Variants in KDM7A observed in about 807,000 individuals in gnomAD.
KDM7A encodes lysine-specific demethylase 7A.
In KDM7A, 28 loss-of-function variants were observed where a neutral mutation model predicts 114.8. The ratio of observed to expected loss-of-function variants is 0.24; its 90% CI spans 0.18 to 0.33. The LOEUF (loss-of-function observed/expected upper bound fraction) is 0.33. KDM7A is among the 10% of genes least tolerant of loss of function. The pLI, the probability that KDM7A is intolerant of heterozygous loss-of-function variation, is 1.00. For missense variants in KDM7A, 942 were observed against 1,142.5 expected (o/e 0.82, Z 2.53); for synonymous variants, 423 against 397.8 (o/e 1.06, Z -0.75).
chr7:140,154,108 C>G (rs758995385), intron 1 of KDM7A, among the ~76,000 whole-genome samples: 4 of 152,126 alleles, frequency 2.6e-5, no homozygotes, highest in Non-Finnish European at 5.9e-5. Flanking sequence ...GTGTTGTTAT[C>G]TAATGGTAAC....
chr7:140,167,141 CAGAG>C (rs879498104), intron 1 of KDM7A, among the ~76,000 whole-genome samples: 1 of 152,096 alleles, frequency 6.6e-6, no homozygotes, highest in Admixed American at 6.6e-5. Context: ...ATACTATTCT[CAGAG>C]AGAAGGACTC....
intron 1 of KDM7A, among the ~76,000 whole-genome samples, chr7:140,173,421 C>G (rs1287775949): frequency 1.3e-5 from 2 of 152,186 alleles, no homozygotes; most frequent in Non-Finnish European, 2.9e-5. Context: ...AGAAAAGCAT[C>G]AAGGACAGGT....
intron 1 of KDM7A, among the ~76,000 whole-genome samples, chr7:140,164,967 TG>T (rs1794558342): frequency 6.6e-6 from 1 of 152,238 alleles, no homozygotes; most frequent in African/African-American, 2.4e-5. Flanking sequence ...TTCGGTTGAA[TG>T]ATAATCAGGT....
chr7:140,176,828 G>A lies in KDM7A; in HGVS notation c.110C>T (p.Pro37Leu). ...CGGCTGCCGGCACACACAGTACACG[G>A]GCGGGGGCGGCGGAGGCGCCGAGGC... The part of the protein sequence containing the change: ...GRASAPPPPP[P>L]VYCVCRQPYD... Residue 37 changes from proline to leucine, a missense_variant, in exon 1 of 20, where the codon CCC becomes CTC. Coordinates refer to ENST00000397560, the MANE Select transcript of KDM7A (RefSeq NM_030647.2). The surrounding 1 kb of genome is among the most constrained non-coding windows in gnomAD (Gnocchi z 4.4). The A allele has an allele frequency of 4.2e-5, 56 of 1,339,980 alleles. No homozygotes were observed. The highest frequency in any genetic ancestry group is 5.3e-5 in the Non-Finnish European group (54 of 1,025,100). The allele number at this position is 1,339,980 out of a possible 1,614,324, so 83.0% of individuals were successfully genotyped here. A position where few individuals can be genotyped will look rare whatever the true frequency, so the allele number is the denominator to read the frequency against.
chr7:140,097,531 G>A lies in KDM7A; in HGVS notation c.2016+14C>T. On this transcript the variant is annotated intron_variant, in intron 15 of 19. Coordinates refer to ENST00000397560, the MANE Select transcript of KDM7A (RefSeq NM_030647.2). ...CCATCAAATAACGTACAAGCCATGG[G>A]GTCTCAGGCGTACCAGTGCAGTGCA... 3 of 1,393,438 alleles carry A rather than the reference G, an allele frequency of 2.2e-6. No homozygotes were observed. The highest frequency in any genetic ancestry group is 3.0e-6 in the Non-Finnish European group (3 of 987,252). The allele number at this position is 1,393,438 out of a possible 1,614,324, so 86.3% of individuals were successfully genotyped here.
chr7:140,105,807 A>G (rs1199345339), intron 11 of KDM7A, among the ~76,000 whole-genome samples: 2 of 152,224 alleles, frequency 1.3e-5, no homozygotes, highest in Non-Finnish European at 2.9e-5. Context: ...GTCTTGTAAA[A>G]TGAGTTAGGG....
At chr7:140,172,485 C>T (rs1794656718) in intron 1 of KDM7A, among the ~76,000 whole-genome samples, 1 of 152,046 alleles carries the variant, frequency 6.6e-6, no homozygotes, top group African/African-American at 2.4e-5. Context: ...AACCCCATCT[C>T]TACTAAAAAT....
At chr7:140,149,505 A>C (rs1398577866) in intron 1 of KDM7A, among the ~76,000 whole-genome samples, 3 of 152,212 alleles carry the variant, frequency 2.0e-5, no homozygotes, top group Non-Finnish European at 4.4e-5. Context: ...AATATTCAAG[A>C]AGCTAACTAT....
intron 11 of KDM7A, among the ~76,000 whole-genome samples, chr7:140,109,230 T>C (rs567922415): frequency 1.3e-5 from 2 of 152,366 alleles, no homozygotes; most frequent in South Asian, 2.1e-4. Context: ...GGACAGGCGA[T>C]GCACCGCCCT....
chr7:140,153,528 T>C (rs138808686), intron 1 of KDM7A, among the ~76,000 whole-genome samples: 2,277 of 151,480 alleles, frequency 0.015, 23 homozygotes, highest in Non-Finnish European at 0.022. Flanking sequence ...GCTGAAATCA[T>C]GCCAAGTGAT....
At chr7:140,109,695 G>T (rs933079499) in intron 11 of KDM7A, among the ~76,000 whole-genome samples, 2 of 152,130 alleles carry the variant, frequency 1.3e-5, no homozygotes, top group Non-Finnish European at 2.9e-5. Flanking sequence ...AGATATTACT[G>T]AATTCCTATC....
At chr7:140,148,755 A>G (rs944982625) in intron 1 of KDM7A, among the ~76,000 whole-genome samples, 1 of 152,226 alleles carries the variant, frequency 6.6e-6, no homozygotes, top group Non-Finnish European at 1.5e-5. Flanking sequence ...CAAACTGGTA[A>G]TGTATGATTA....
chr7:140,171,901 A>C (rs2116862369), intron 1 of KDM7A, among the ~76,000 whole-genome samples: 1 of 152,304 alleles, frequency 6.6e-6, no homozygotes, highest in Admixed American at 6.5e-5. Context: ...ACTATACTAT[A>C]ATATATCCAA....
chr7:140,099,141 T>C, intron 13 of KDM7A, 108 bp from the exon 14 acceptor site: 1 of 855,842 alleles, frequency 1.2e-6, no homozygotes, highest in Non-Finnish European at 1.8e-6. Context: ...TGAGACACTG[T>C]CCCCATATTT....
At position 140,090,244 on chromosome 7, in the gene KDM7A, T is replaced by G. The variant is rs560997759; in HGVS notation, c.*850A>C. ...AAATGCAAAAGCCTATTTTTTTTAATGTTGAGAAGAAAATCACAATGTCAA... is the reference window on the plus strand; with the variant it reads ...AAATGCAAAAGCCTATTTTTTTTAAGGTTGAGAAGAAAATCACAATGTCAA... On this transcript the variant is annotated 3_prime_UTR_variant, in exon 20 of 20. Transcript: ENST00000397560. The G allele has an allele frequency of 6.6e-6, 1 of 152,238 alleles. No homozygotes were observed. Among genetic ancestry groups the G allele is most frequent in the East Asian group, 1.9e-4 (1 of 5,202 alleles). The allele number at this position is 152,238 out of a possible 1,614,324, so 9.4% of individuals were successfully genotyped here. A position where few individuals can be genotyped will look rare whatever the true frequency, so the allele number is the denominator to read the frequency against.
rs180898685 is a variant in KDM7A at position 140,152,106 on chromosome 7, C to T, written c.195-12916G>A. 2.0e-5 allele frequency among the ~76,000 whole-genome samples: 3 copies of T among 152,266 alleles called. No homozygotes were observed. The East Asian group carries it at 5.8e-4, about 29-fold the overall frequency. The stretch of plus-strand genomic sequence containing the variant: ...AGTGCCTGCATCTAAGGGGAATAAA[C>T]ACATTCCAAACCAAGCCAAGCCAAG... On this transcript the variant is annotated intron_variant, in intron 1 of 19. Coordinates refer to ENST00000397560, the MANE Select transcript of KDM7A (RefSeq NM_030647.2).
Position 140,088,915 on chromosome 7 carries a change from A to G in KDM7A, c.*2179T>C, listed in dbSNP as rs180734126. 1.1e-3 allele frequency: 170 copies of G among 156,532 alleles called. No individual in the cohort carries two copies. The highest frequency in any genetic ancestry group is 3.0e-3 in the Admixed American group (47 of 15,442). The allele number at this position is 156,532 out of a possible 1,614,324, so 9.7% of individuals were successfully genotyped here. On this transcript the variant is annotated 3_prime_UTR_variant, in exon 20 of 20. Transcript: ENST00000397560. ...TTAATTTTAATTTTTGTGACTAAAG[A>G]AAAAAATAGAAAATACTCAAGAGCT...
At chr7:140,096,294 A>G (rs557967093) in intron 17 of KDM7A, among the ~76,000 whole-genome samples, 11 of 152,346 alleles carry the variant, frequency 7.2e-5, no homozygotes, top group African/African-American at 2.6e-4. Context: ...GTAAAAGGGA[A>G]ATAATACTAA....
At chr7:140,147,098 AG>A (rs1305460920) in intron 1 of KDM7A, among the ~76,000 whole-genome samples, 1 of 152,078 alleles carries the variant, frequency 6.6e-6, no homozygotes, top group African/African-American at 2.4e-5. Flanking sequence ...ATCACACCAC[AG>A]AAAGTCCTTC....
Sources: gnomAD v4.1 joint callset for allele counts (sites outside exome capture counted in the v4.1 genomes callset) on GRCh38, gnomAD v4.1.1 for gene constraint, Gnocchi (gnomAD v3.1) non-coding constraint, MANE v1.5 for transcripts, NCBI Gene and HGNC (gene_info 2026-07-23, HGNC 2026-07-21) for gene names.